SDCBP: variants seen among roughly 807,000 people sequenced by gnomAD.
SDCBP encodes the protein syntenin-1.
A neutral mutation model predicts 30.5 loss-of-function variants in SDCBP; 22 were observed. That is an observed-to-expected ratio of 0.72 (90% CI 0.52 to 1.03). The LOEUF (loss-of-function observed/expected upper bound fraction) is 1.03. Ranked by LOEUF, SDCBP falls within the 50% of genes least tolerant of loss-of-function variation. The pLI is 0.00. For missense variants in SDCBP, 304 were observed against 369.9 expected, an observed-to-expected ratio of 0.82 and a Z score of 1.46; for synonymous variants, 103 against 118.7, an observed-to-expected ratio of 0.87 and a Z score of 0.86.
intron 1 of SDCBP, among the ~76,000 whole-genome samples, chr8:58,563,839 C>G (rs748830348): frequency 6.6e-6 from 1 of 152,248 alleles, no homozygotes; most frequent in South Asian, 2.1e-4. Context: ...CTGAAGTTGC[C>G]GGATACCATG....
At chr8:58,562,156 A>AGAT (rs769950836) in intron 1 of SDCBP, among the ~76,000 whole-genome samples, 63 of 152,092 alleles carry the variant, frequency 4.1e-4, no homozygotes, top group Non-Finnish European at 7.7e-4. Context: ...GAAAATCATT[A>AGAT]ACAAAATGTC....
At chr8:58,557,429 A>C (rs1019784436) in intron 1 of SDCBP, among the ~76,000 whole-genome samples, 2 of 143,934 alleles carry the variant, frequency 1.4e-5, no homozygotes, top group Admixed American at 1.4e-4. Flanking sequence ...AATATATATT[A>C]TATATAATAC....
chr8:58,571,635 T>C (rs949514026), intron 3 of SDCBP, among the ~76,000 whole-genome samples: 1 of 152,220 alleles, frequency 6.6e-6, no homozygotes, highest in Non-Finnish European at 1.5e-5. Context: ...GGAAATAGTA[T>C]ATAACTACTA....
chr8:58,573,972 G>T (rs1805186434), intron 4 of SDCBP, among the ~76,000 whole-genome samples: 1 of 152,056 alleles, frequency 6.6e-6, no homozygotes, highest in Non-Finnish European at 1.5e-5. Context: ...TTTATAAAGG[G>T]CTCCATAATA....
At chr8:58,555,127 C>CTAA (rs1224405295) in intron 1 of SDCBP, among the ~76,000 whole-genome samples, 1 of 152,138 alleles carries the variant, frequency 6.6e-6, no homozygotes, top group Non-Finnish European at 1.5e-5. Flanking sequence ...TGGAGCTTTT[C>CTAA]TAATATCAGC....
chr8:58,570,562 T>C (rs6987187), intron 2 of SDCBP: 87,549 of 184,268 alleles, frequency 0.48, 22,459 homozygotes, highest in Admixed American at 0.6. Context: ...ATAATGAAAA[T>C]GTAAAATTTA....
chr8:58,564,480 T>C (rs117629685), intron 1 of SDCBP, among the ~76,000 whole-genome samples: 1 of 152,362 alleles, frequency 6.6e-6, no homozygotes, highest in East Asian at 1.9e-4. Context: ...TCCTTTACCA[T>C]CTGTCTTCTG....
At position 58,581,996 on chromosome 8, in the gene SDCBP, T is replaced by G. The variant is rs368807103; in HGVS notation, c.*256T>G. 12 of 458,624 alleles carry G rather than the reference T, an allele frequency of 2.6e-5. No individual in the cohort carries two copies. The highest frequency in any genetic ancestry group is 2.5e-4 in the South Asian group (10 of 39,354). 28.4% of individuals were successfully genotyped at this position (458,624 alleles called of 1,614,324 possible). A position where few individuals can be genotyped will look rare whatever the true frequency, so the allele number is the denominator to read the frequency against. ...ACTGACTTTCCTAGAATAGTTTCTC[T>G]ACTGGAAACCTGATGCTTTTATAAG... On this transcript the variant is annotated 3_prime_UTR_variant, in exon 9 of 9. Transcript: ENST00000260130.
chr8:58,579,900 G>A, intron 7 of SDCBP, 106 bp downstream of exon 7: 1 of 1,042,396 alleles, frequency 9.6e-7, no homozygotes, highest in Non-Finnish European at 1.4e-6. Context: ...GTGGGAGATG[G>A]GGAACGTGGG....
chr8:58,571,029 T>G, intron 3 of SDCBP, 64 bp downstream of exon 3: 1 of 1,259,610 alleles, frequency 7.9e-7, no homozygotes, highest in Non-Finnish European at 1.1e-6. Flanking sequence ...TTTGCTCATA[T>G]AAGGAATCCA....
At chr8:58,574,656 ATTC>A (rs1384531259) in intron 4 of SDCBP, among the ~76,000 whole-genome samples, 6 of 152,040 alleles carry the variant, frequency 3.9e-5, no homozygotes, top group Admixed American at 6.5e-5. Context: ...CACATATTTT[ATTC>A]TTCTTCTCTT....
chr8:58,579,979 A>C (rs1474375590), intron 7 of SDCBP, 185 bp downstream of exon 7: 1 of 470,908 alleles, frequency 2.1e-6, no homozygotes, highest in African/African-American at 2.0e-5. Flanking sequence ...AGTTCCTATA[A>C]CAAGTGGGCT....
chr8:58,568,347 C>T (rs745650326), intron 2 of SDCBP, among the ~76,000 whole-genome samples: 2 of 152,128 alleles, frequency 1.3e-5, no homozygotes, highest in Non-Finnish European at 2.9e-5. Flanking sequence ...TCTTCCACCT[C>T]CACATCATCC....
intron 1 of SDCBP, among the ~76,000 whole-genome samples, chr8:58,555,757 T>G (rs1804065403): frequency 6.6e-6 from 1 of 151,914 alleles, no homozygotes; most frequent in African/African-American, 2.4e-5. Context: ...TTTTAGTTTT[T>G]TTTTTTTTTA....
At chr8:58,557,249 C>CAATATTTATATTTAAATATTTATATTTAA (rs1804181595) in intron 1 of SDCBP, among the ~76,000 whole-genome samples, 1 of 123,212 alleles carries the variant, frequency 8.1e-6, no homozygotes, top group Admixed American at 8.9e-5. Flanking sequence ...TAATTTTAAT[C>CAATATTTATATTTAAATATTTATATTTAA]AATATTTATA....
At chr8:58,558,681 C>T (rs569659710) in intron 1 of SDCBP, among the ~76,000 whole-genome samples, 1 of 152,314 alleles carries the variant, frequency 6.6e-6, no homozygotes, top group Non-Finnish European at 1.5e-5. Flanking sequence ...TAGCTATAAT[C>T]TGAGGCAGAG....
chr8:58,558,240 G>A (rs1563502770), intron 1 of SDCBP, among the ~76,000 whole-genome samples: 1 of 152,118 alleles, frequency 6.6e-6, no homozygotes, highest in Non-Finnish European at 1.5e-5. Flanking sequence ...TTGTTTTGAT[G>A]ACATTTGTCA....
At chr8:58,570,855 T>C in intron 2 of SDCBP, 32 bp from the exon 3 acceptor site, 3 of 1,470,838 alleles carry the variant, frequency 2.0e-6, no homozygotes, top group Non-Finnish European at 2.9e-6. Context: ...AAGTATAGCA[T>C]ATTGTTAGAA....
intron 4 of SDCBP, among the ~76,000 whole-genome samples, chr8:58,575,068 A>C (rs1045618119): frequency 6.6e-6 from 1 of 151,958 alleles, no homozygotes; most frequent in African/African-American, 2.4e-5. Flanking sequence ...TCTACTCTCT[A>C]TTTCTGTGAG....
Sources: gnomAD v4.1 joint callset for allele counts (sites outside exome capture counted in the v4.1 genomes callset) on GRCh38, gnomAD v4.1.1 for gene constraint, MANE v1.5 for transcripts, NCBI Gene and HGNC (gene_info 2026-07-23, HGNC 2026-07-21) for gene names.